The following NPAS3 variants were observed in gnomAD, a reference collection of about 807,000 sequenced individuals.
NPAS3 encodes neuronal PAS domain-containing protein 3.
A neutral mutation model predicts 73.1 loss-of-function variants in NPAS3; 14 were observed. That is an observed-to-expected ratio of 0.19 (90% CI 0.13 to 0.30). The LOEUF (loss-of-function observed/expected upper bound fraction) is 0.30. Among genes scored for constraint, NPAS3 ranks in the 10% least tolerant of loss-of-function variants. NPAS3 has a pLI of 1.00. For missense variants in NPAS3, 1,096 were observed against 1,250.0 expected, an observed-to-expected ratio of 0.88 and a Z score of 1.86; for synonymous variants, 620 against 541.5, an observed-to-expected ratio of 1.14 and a Z score of -2.01.
chr14:33,578,026 G>A lies in NPAS3; in HGVS notation c.558+17816G>A, dbSNP rs576270229. Among the ~76,000 whole-genome samples, 3 of 152,262 alleles carry A rather than the reference G, an allele frequency of 2.0e-5. No individual in the cohort carries two copies. The South Asian group carries it at 6.2e-4, about 32-fold the overall frequency. ...ATTTTGAACATACCCCATTGAGTTT[G>A]GAATTTACTTCTGGGCCGTAGAAAA... On this transcript the variant is annotated intron_variant, in intron 5 of 11. Coordinates refer to ENST00000356141, the Ensembl canonical transcript of NPAS3.
intron 3 of NPAS3, among the ~76,000 whole-genome samples, chr14:33,342,757 A>T (rs952256020): frequency 1.3e-5 from 2 of 151,358 alleles, no homozygotes; most frequent in African/African-American, 2.4e-5. Context: ...GCTGCTCACT[A>T]TCTTGGTATG....
intron 2 of NPAS3, among the ~76,000 whole-genome samples, chr14:33,168,291 A>C (rs1405960449): frequency 6.6e-6 from 1 of 152,148 alleles, no homozygotes; most frequent in Non-Finnish European, 1.5e-5. Context: ...TACTGTGTGT[A>C]GAACAGCTGT....
intron 6 of NPAS3, among the ~76,000 whole-genome samples, chr14:33,727,073 C>G (rs532748613): frequency 6.6e-6 from 1 of 152,040 alleles, no homozygotes; most frequent in Non-Finnish European, 1.5e-5. Flanking sequence ...CCTCTGTAAC[C>G]AGACTCCTCT....
At chr14:33,064,285 G>A (rs2041207168) in intron 2 of NPAS3, among the ~76,000 whole-genome samples, 1 of 152,136 alleles carries the variant, frequency 6.6e-6, no homozygotes, top group African/African-American at 2.4e-5. Context: ...AGAAAAATAT[G>A]CAGCAAGACA....
chr14:33,717,350 G>A (rs941704009), intron 6 of NPAS3, among the ~76,000 whole-genome samples: 9 of 151,814 alleles, frequency 5.9e-5, no homozygotes, highest in African/African-American at 2.2e-4. Context: ...TCTGAGAAGG[G>A]GCAAGTTAAG....
chr14:33,604,498 T>TA (rs534234336), intron 5 of NPAS3, among the ~76,000 whole-genome samples: 2 of 151,966 alleles, frequency 1.3e-5, no homozygotes, highest in African/African-American at 4.8e-5. Context: ...CAAGGAGGAA[T>TA]AAAAAAAATT....
intron 4 of NPAS3, among the ~76,000 whole-genome samples, chr14:33,408,415 A>G (rs141535363): frequency 1.5e-3 from 221 of 152,000 alleles, no homozygotes; most frequent in African/African-American, 5.1e-3. Context: ...TGCCATACAC[A>G]TGGAAAAGGG....
intron 11 of NPAS3, among the ~76,000 whole-genome samples, chr14:33,797,979 A>C (rs1288207586): frequency 2.0e-5 from 3 of 151,954 alleles, no homozygotes; most frequent in Non-Finnish European, 1.5e-5. Context: ...GCTATTAGCA[A>C]TCACTTAATG....
At chr14:33,639,583 C>T (rs1256260295) in intron 5 of NPAS3, among the ~76,000 whole-genome samples, 37 of 151,914 alleles carry the variant, frequency 2.4e-4, no homozygotes, top group Admixed American at 2.4e-3. Flanking sequence ...GGAGTGTGAC[C>T]CTTTCTTTCT....
At chr14:33,768,747 T>A (rs36059107) in intron 7 of NPAS3, among the ~76,000 whole-genome samples, 23,384 of 152,238 alleles carry the variant, frequency 0.15, 2,105 homozygotes, top group Admixed American at 0.22. Context: ...TGAAAACAGA[T>A]GTTCTGTTTC....
chr14:33,433,674 G>C (rs761498013), intron 4 of NPAS3, among the ~76,000 whole-genome samples: 1 of 152,138 alleles, frequency 6.6e-6, no homozygotes, highest in Non-Finnish European at 1.5e-5. Context: ...AGCACACTAA[G>C]TATTATGAAA....
intron 6 of NPAS3, among the ~76,000 whole-genome samples, chr14:33,729,392 A>C (rs952446628): frequency 1.3e-5 from 2 of 152,162 alleles, no homozygotes; most frequent in Non-Finnish European, 2.9e-5. Context: ...CTGGTATTGG[A>C]TAACAAATTA....
intron 1 of NPAS3, among the ~76,000 whole-genome samples, chr14:33,023,633 A>G (rs2039685470): frequency 6.6e-6 from 1 of 152,340 alleles, no homozygotes; most frequent in Middle Eastern, 3.4e-3. Context: ...TTCAGAATAC[A>G]TCCTTTTCAT....
At chr14:33,495,899 CAATG>C (rs1159337691) in intron 4 of NPAS3, among the ~76,000 whole-genome samples, 1 of 151,850 alleles carries the variant, frequency 6.6e-6, no homozygotes, top group Non-Finnish European at 1.5e-5. Context: ...TCAAAAAAAT[CAATG>C]AATCCAGGAG....
chr14:32,937,432 C>G (rs912903327), upstream of NPAS3, among the ~76,000 whole-genome samples: 5 of 152,070 alleles, frequency 3.3e-5, no homozygotes, highest in African/African-American at 4.8e-5. Context: ...GCAGAAACCC[C>G]CTAGACTGGG....
At chr14:33,468,270 T>A (rs924324237) in intron 4 of NPAS3, among the ~76,000 whole-genome samples, 2 of 152,190 alleles carry the variant, frequency 1.3e-5, no homozygotes, top group Non-Finnish European at 2.9e-5. Context: ...AATTTATTCA[T>A]GGAAGGCAGA....
chr14:32,963,494 GA>G (rs1420632609), intron 1 of NPAS3, among the ~76,000 whole-genome samples: 2 of 152,124 alleles, frequency 1.3e-5, no homozygotes, highest in Admixed American at 6.5e-5. Context: ...TGAGGGGAGG[GA>G]ATGGAGTGGG....
At chr14:33,666,918 T>TA (rs1489769158) in intron 5 of NPAS3, among the ~76,000 whole-genome samples, 1 of 152,226 alleles carries the variant, frequency 6.6e-6, no homozygotes, top group African/African-American at 2.4e-5. Flanking sequence ...TTTCATGTTC[T>TA]ACTCCAAGGA....
At chr14:33,339,741 G>T (rs1227006763) in intron 3 of NPAS3, among the ~76,000 whole-genome samples, 5 of 152,136 alleles carry the variant, frequency 3.3e-5, no homozygotes, top group Non-Finnish European at 7.4e-5. Flanking sequence ...AAATCAAGTG[G>T]TGTTTGTCTT....
Sources: allele counts gnomAD v4.1 joint callset (sites outside exome capture counted in the v4.1 genomes callset), GRCh38; gene constraint gnomAD v4.1.1; transcripts MANE v1.5; gene names NCBI Gene and HGNC (gene_info 2026-07-23, HGNC 2026-07-21).